Variants in PIK3CB observed in about 807,000 individuals in gnomAD.
The protein encoded by PIK3CB is phosphatidylinositol-4,5-bisphosphate 3-kinase catalytic subunit beta, also known as phosphatidylinositol 4,5-bisphosphate 3-kinase catalytic subunit beta isoform.
In PIK3CB, 39 loss-of-function variants were observed where a neutral mutation model predicts 136.8. The ratio of observed to expected loss-of-function variants is 0.29; its 90% CI spans 0.22 to 0.37. The LOEUF (loss-of-function observed/expected upper bound fraction) is 0.37, where lower values mean the gene tolerates loss of function less well. PIK3CB is among the 10% of genes least tolerant of loss of function. The probability of loss-of-function intolerance (pLI) is 1.00; values close to 1 mark genes in which losing one functional copy is unlikely to be tolerated. For missense variants in PIK3CB, 868 were observed against 1,275.4 expected (o/e 0.68, Z 4.87); for synonymous variants, 428 against 436.6 (o/e 0.98, Z 0.25).
intron 1 of PIK3CB, among the ~76,000 whole-genome samples, chr3:138,816,896 C>T (rs1183918161): frequency 6.6e-6 from 1 of 152,056 alleles, no homozygotes; most frequent in Non-Finnish European, 1.5e-5. Flanking sequence ...TTATTTTCAG[C>T]ACAACTTAAA....
At chr3:138,824,282 T>A (rs1397201102) in intron 1 of PIK3CB, among the ~76,000 whole-genome samples, 1 of 152,178 alleles carries the variant, frequency 6.6e-6, no homozygotes, top group Non-Finnish European at 1.5e-5. Flanking sequence ...GTCTCCTGAA[T>A]GCCTGAAGCA....
chr3:138,679,676 T>C (rs907397847), intron 19 of PIK3CB, among the ~76,000 whole-genome samples: 2 of 151,660 alleles, frequency 1.3e-5, no homozygotes, highest in Non-Finnish European at 2.9e-5. Flanking sequence ...CTTGACCTCC[T>C]GGGCTCAAGA....
At chr3:138,759,435 A>G in intron 2 of PIK3CB, 76 bp from the exon 3 acceptor site, 7 of 903,894 alleles carry the variant, frequency 7.7e-6, no homozygotes, top group Non-Finnish European at 1.0e-5. Context: ...AAGACCACTA[A>G]TCTACAATTA....
intron 21 of PIK3CB, among the ~76,000 whole-genome samples, chr3:138,660,948 A>G (rs2043284978): frequency 6.6e-6 from 1 of 152,192 alleles, no homozygotes; most frequent in Admixed American, 6.5e-5. Flanking sequence ...ACTTCCTTGT[A>G]TAGAAACTAG....
chr3:138,814,904 A>C (rs966561921), intron 1 of PIK3CB, among the ~76,000 whole-genome samples: 11 of 151,934 alleles, frequency 7.2e-5, no homozygotes, highest in African/African-American at 2.4e-4. Context: ...TTGAGAGGCC[A>C]AGGCAGGCGG....
rs2045912246 is a variant in PIK3CB, at chr3:138,780,535, C to T, written c.-17+15928G>A. On this transcript the variant is annotated intron_variant, in intron 2 of 23. Coordinates refer to ENST00000674063, the MANE Select transcript of PIK3CB (RefSeq NM_006219.3). ...CTGCCCACCTTGGCCTCCCAAAGTG[C>T]TAGGATTACAGGTGTGAGCCACTGT... is the stretch of plus-strand genomic sequence containing the variant. 2.0e-5 allele frequency among the ~76,000 whole-genome samples: 3 copies of T among 152,170 alleles called. No individual in the cohort carries two copies. The South Asian group carries it at 6.2e-4, about 31-fold the overall frequency.
chr3:138,718,405 G>T (rs1448592883), intron 8 of PIK3CB, among the ~76,000 whole-genome samples: 1 of 151,992 alleles, frequency 6.6e-6, no homozygotes, highest in Non-Finnish European at 1.5e-5. Context: ...ATTCCTTATA[G>T]ATACTGGCTA....
At chr3:138,665,643 A>G (rs2043392443) in intron 19 of PIK3CB, among the ~76,000 whole-genome samples, 2 of 152,170 alleles carry the variant, frequency 1.3e-5, no homozygotes, top group South Asian at 4.2e-4. Flanking sequence ...ATCTCAGTTC[A>G]TTACAGCCTC....
intron 1 of PIK3CB, chr3:138,826,338 C>CCTAATACCT (rs1933779970): frequency 6.3e-7 from 1 of 1,595,820 alleles, no homozygotes; most frequent in African/African-American, 1.3e-5. Context: ...GAATATTATC[C>CCTAATACCT]CTAATACCTG....
chr3:138,729,224 T>G (rs2044913907), intron 8 of PIK3CB, among the ~76,000 whole-genome samples: 2 of 150,076 alleles, frequency 1.3e-5, no homozygotes, highest in African/African-American at 2.5e-5. Context: ...GAGGTTGCAG[T>G]GAGGTGAGAT....
intron 1 of PIK3CB, among the ~76,000 whole-genome samples, chr3:138,816,211 G>A (rs943469514): frequency 6.6e-6 from 1 of 152,202 alleles, no homozygotes; most frequent in Non-Finnish European, 1.5e-5. Context: ...GCTGAGGTGG[G>A]AGGATTGTTT....
At chr3:138,738,328 C>T (rs1401359665) in intron 5 of PIK3CB, among the ~76,000 whole-genome samples, 1 of 151,986 alleles carries the variant, frequency 6.6e-6, no homozygotes, top group African/African-American at 2.4e-5. Flanking sequence ...TGCACCACCA[C>T]GCCTGGCTAA....
At chr3:138,812,749 G>C (rs1265280023) in intron 1 of PIK3CB, among the ~76,000 whole-genome samples, 1 of 151,460 alleles carries the variant, frequency 6.6e-6, no homozygotes, top group South Asian at 2.1e-4. Context: ...GGCTGGTCTC[G>C]AACTCCTTAC....
chr3:138,658,269 C>T (rs765864814), intron 21 of PIK3CB, among the ~76,000 whole-genome samples: 12 of 151,956 alleles, frequency 7.9e-5, no homozygotes, highest in Non-Finnish European at 7.4e-5. Context: ...GGCAACATAG[C>T]GAGACCCCAT....
Position 138,734,700 on chromosome 3 carries a change from A to G in PIK3CB, c.906T>C (p.Ala302=). The G allele has an allele frequency of 6.2e-7, 1 of 1,613,114 alleles. No individual in the cohort carries two copies. Among genetic ancestry groups the G allele is most frequent in the Non-Finnish European group, 8.5e-7 (1 of 1,179,220 alleles). Residue 302 remains alanine (A), a synonymous_variant, in exon 7 of 24, where the codon GCT becomes GCC. Transcript: ENST00000674063. ...MYEQEMIAIE[A]AINRNSSNLP... is the part of the protein sequence containing the mutation. The stretch of plus-strand genomic sequence containing the variant: ...GATTAGATGAATTTCGATTTATGGC[A>G]GCCTCTATGGCAATCATTTCTTGTT...
At chr3:138,712,335 G>T in intron 9 of PIK3CB, 31 bp from the exon 10 acceptor site, 2 of 1,034,100 alleles carry the variant, frequency 1.9e-6, no homozygotes, top group South Asian at 1.6e-5. Context: ...GCATAAATAT[G>T]CTAAGAATAA....
At chr3:138,684,926 A>C in intron 16 of PIK3CB, 123 bp from the exon 17 acceptor site, 1 of 571,376 alleles carries the variant, frequency 1.8e-6, no homozygotes, top group Non-Finnish European at 2.9e-6. Flanking sequence ...ACACATAACC[A>C]GCTGAAGTAA....
intron 2 of PIK3CB, among the ~76,000 whole-genome samples, chr3:138,773,662 A>G (rs2108769996): frequency 6.6e-6 from 1 of 152,364 alleles, no homozygotes; most frequent in South Asian, 2.1e-4. Context: ...TTTTTTATTA[A>G]GCAATGCTAA....
intron 1 of PIK3CB, among the ~76,000 whole-genome samples, chr3:138,826,754 A>T (rs1256393857): frequency 1.3e-5 from 2 of 152,148 alleles, no homozygotes; most frequent in Non-Finnish European, 2.9e-5. Flanking sequence ...TCAGATTCAA[A>T]AACTAAGTTG....
Sources: allele counts gnomAD v4.1 joint callset (sites outside exome capture counted in the v4.1 genomes callset), GRCh38; gene constraint gnomAD v4.1.1; transcripts MANE v1.5; gene names NCBI Gene and HGNC (gene_info 2026-07-23, HGNC 2026-07-21).